GNAO1: variants seen among roughly 807,000 people sequenced by gnomAD.
GNAO1 encodes G protein subunit alpha o1, also known as guanine nucleotide-binding protein G(o) subunit alpha.
For synonymous variants in GNAO1, 164 were observed against 180.7 expected, an observed-to-expected ratio of 0.91 and a Z score of 0.74; for missense variants, 166 against 478.7, an observed-to-expected ratio of 0.35 and a Z score of 6.10.
At chr16:56,198,145 G>A (rs2036250470) in intron 2 of GNAO1, among the ~76,000 whole-genome samples, 1 of 152,254 alleles carries the variant, frequency 6.6e-6, no homozygotes, top group Non-Finnish European at 1.5e-5. Flanking sequence ...AAAAGAAAGT[G>A]TGCCTGTTTG....
At chr16:56,288,479 C>T (rs753030343) in intron 3 of GNAO1, among the ~76,000 whole-genome samples, 2 of 152,242 alleles carry the variant, frequency 1.3e-5, no homozygotes, top group East Asian at 3.8e-4. Flanking sequence ...CATACTTGGG[C>T]TCCTGGCTGT....
chr16:56,248,780 G>A (rs1299634988), intron 2 of GNAO1, among the ~76,000 whole-genome samples: 2 of 152,198 alleles, frequency 1.3e-5, no homozygotes, highest in Non-Finnish European at 2.9e-5. Context: ...TCTATGGCGG[G>A]AGGGATAGGT....
At chr16:56,300,049 G>A (rs1313620937) in intron 3 of GNAO1, among the ~76,000 whole-genome samples, 17 of 91,944 alleles carry the variant, frequency 1.8e-4, no homozygotes, top group African/African-American at 3.4e-4. Context: ...GCGCGCGCGC[G>A]CGCACGCACA....
At chr16:56,333,583 T>G (rs1299149954) in intron 4 of GNAO1, among the ~76,000 whole-genome samples, 1 of 152,222 alleles carries the variant, frequency 6.6e-6, no homozygotes, top group East Asian at 1.9e-4. Flanking sequence ...TCTGTTTTCT[T>G]TTCTTAGGGG....
chr16:56,340,620 T>C, intron 6 of GNAO1: 1 of 578,286 alleles, frequency 1.7e-6, no homozygotes. Context: ...CCGGCCCTGC[T>C]CCGCCCCGCC....
At chr16:56,344,537 A>G in intron 6 of GNAO1, 2 of 987,556 alleles carry the variant, frequency 2.0e-6, no homozygotes, top group Non-Finnish European at 2.4e-6. Flanking sequence ...TCTCTGGGTC[A>G]TCCTCCCTTG....
intron 3 of GNAO1, among the ~76,000 whole-genome samples, chr16:56,313,697 T>C (rs1024527198): frequency 2.0e-5 from 3 of 152,196 alleles, no homozygotes; most frequent in Non-Finnish European, 4.4e-5. Flanking sequence ...AGAGTTGCAA[T>C]GTGGAATCTG....
chr16:56,325,442 T>C (rs1340996590), intron 3 of GNAO1, among the ~76,000 whole-genome samples: 1 of 152,184 alleles, frequency 6.6e-6, no homozygotes, highest in Admixed American at 6.5e-5. Flanking sequence ...TGCCACTGCA[T>C]TCCAGCCTGG....
intron 3 of GNAO1, among the ~76,000 whole-genome samples, chr16:56,280,083 A>G (rs1460652433): frequency 1.3e-5 from 2 of 152,210 alleles, no homozygotes; most frequent in Non-Finnish European, 2.9e-5. Context: ...AGTACCTACC[A>G]TGTGTCGGGC....
intron 2 of GNAO1, among the ~76,000 whole-genome samples, chr16:56,256,736 G>C (rs1427658266): frequency 2.6e-4 from 39 of 151,208 alleles, no homozygotes; most frequent in African/African-American, 8.5e-4. Context: ...GTGTGTGTGT[G>C]TGTGTGTGTG....
chr16:56,334,881 G>A (rs1567488372), intron 5 of GNAO1, 24 bp downstream of exon 5: 3 of 1,613,128 alleles, frequency 1.9e-6, no homozygotes, highest in Non-Finnish European at 2.5e-6. Context: ...AGGCCCCCAG[G>A]CCCTGGCGAG....
At chr16:56,203,861 G>C (rs1162740153) in intron 2 of GNAO1, among the ~76,000 whole-genome samples, 2 of 152,190 alleles carry the variant, frequency 1.3e-5, no homozygotes, top group Non-Finnish European at 2.9e-5. Flanking sequence ...TGAAGAGCTG[G>C]GGTTTGTGGG....
At chr16:56,207,026 T>C (rs1319197427) in intron 2 of GNAO1, among the ~76,000 whole-genome samples, 1 of 152,262 alleles carries the variant, frequency 6.6e-6, no homozygotes, top group Non-Finnish European at 1.5e-5. Flanking sequence ...GGGAGATGGC[T>C]TATTACATAT....
intron 2 of GNAO1, among the ~76,000 whole-genome samples, chr16:56,238,522 A>G (rs762115912): frequency 5.9e-5 from 9 of 152,214 alleles, no homozygotes; most frequent in South Asian, 2.1e-4. Flanking sequence ...AATAATGTCA[A>G]CATAGTGGTG....
intron 2 of GNAO1, among the ~76,000 whole-genome samples, chr16:56,257,606 G>A (rs1269195168): frequency 7.9e-5 from 12 of 152,080 alleles, no homozygotes; most frequent in African/African-American, 1.4e-4. Flanking sequence ...AAGCTGAACC[G>A]TTTTCACAAG....
chr16:56,278,932 A>C (rs1417931583), intron 3 of GNAO1, among the ~76,000 whole-genome samples: 4 of 152,078 alleles, frequency 2.6e-5, no homozygotes, highest in African/African-American at 7.2e-5. Flanking sequence ...TTCTGTCTCT[A>C]GGGTCCCCAG....
intron 2 of GNAO1, among the ~76,000 whole-genome samples, chr16:56,262,880 G>A (rs1993885): frequency 0.52 from 78,768 of 152,088 alleles, 20,540 homozygotes; most frequent in East Asian, 0.65. Context: ...GGCATTGTGA[G>A]GAGGACTCAG....
At chr16:56,344,181 T>G (rs2037839718) in intron 6 of GNAO1, 2 of 1,424,000 alleles carry the variant, frequency 1.4e-6, no homozygotes, top group Non-Finnish European at 1.8e-6. Flanking sequence ...GCCAGGAGAC[T>G]CCACGCTCAC....
intron 3 of GNAO1, among the ~76,000 whole-genome samples, chr16:56,292,175 T>C (rs566037916): frequency 6.6e-6 from 1 of 152,222 alleles, no homozygotes; most frequent in South Asian, 2.1e-4. Context: ...ATCCCTGAGT[T>C]TGGGGGCTTC....
Sources: allele counts gnomAD v4.1 joint callset (sites outside exome capture counted in the v4.1 genomes callset), GRCh38; gene constraint gnomAD v4.1.1; transcripts MANE v1.5; gene names NCBI Gene and HGNC (gene_info 2026-07-23, HGNC 2026-07-21).